The following RLF variants were observed in gnomAD, a reference collection of about 807,000 sequenced individuals.
RLF encodes zinc finger protein Rlf.
RLF carries 7 observed loss-of-function variants against 162.9 expected under a neutral mutation model. The observed-to-expected ratio is 0.04, with a 90% CI of 0.02 to 0.08. The LOEUF (loss-of-function observed/expected upper bound fraction) is 0.08. Ranked by LOEUF, RLF falls within the 10% of genes least tolerant of loss-of-function variation. The probability of loss-of-function intolerance (pLI) is 1.00; values close to 1 mark genes in which losing one functional copy is unlikely to be tolerated. For synonymous variants in RLF, 782 were observed against 791.5 expected, an observed-to-expected ratio of 0.99 and a Z score of 0.20; for missense variants, 1,664 against 2,244.7, an observed-to-expected ratio of 0.74 and a Z score of 5.23.
At chr1:40,215,058 A>G (rs1056609816) in intron 5 of RLF, among the ~76,000 whole-genome samples, 1 of 152,166 alleles carries the variant, frequency 6.6e-6, no homozygotes, top group African/African-American at 2.4e-5. Context: ...AAGTTAATTC[A>G]CTAGAGAAGG....
intron 1 of RLF, among the ~76,000 whole-genome samples, chr1:40,168,443 G>A (rs1470222669): frequency 2.0e-5 from 3 of 151,986 alleles, no homozygotes; most frequent in African/African-American, 4.8e-5. Flanking sequence ...ATGGGGTTTC[G>A]CCATGTTGGC....
intron 5 of RLF, among the ~76,000 whole-genome samples, chr1:40,221,124 A>C (rs917986423): frequency 4.6e-5 from 7 of 152,070 alleles, no homozygotes; most frequent in African/African-American, 1.7e-4. Context: ...ACAGAGTAAG[A>C]CACTGTCTTA....
intron 7 of RLF, among the ~76,000 whole-genome samples, chr1:40,232,139 C>T (rs1415863534): frequency 3.3e-5 from 5 of 150,370 alleles, no homozygotes; most frequent in East Asian, 2.0e-4. Flanking sequence ...ACAGGGAAGG[C>T]GGAGGTTGTG....
Position 40,231,498 on chromosome 1 carries a change from T to C in RLF, c.948-19T>C. 6.2e-7 allele frequency: 1 copy of C among 1,605,236 alleles called. No individual in the cohort carries two copies. The highest frequency in any genetic ancestry group is 1.1e-5 in the South Asian group (1 of 89,234). On this transcript the variant is annotated intron_variant, in intron 6 of 7. Transcript: ENST00000372771. ...ACCAGTTACTTTAAATGTTTTACCA[T>C]GATCTTCTTTTTTTATAGGGAACTG...
intron 3 of RLF, among the ~76,000 whole-genome samples, 184 bp downstream of exon 3, chr1:40,191,037 G>A (rs1013425709): frequency 2.6e-5 from 4 of 152,028 alleles, no homozygotes; most frequent in African/African-American, 9.7e-5. Flanking sequence ...TTTAAATTTG[G>A]TTTTGTTTGC....
chr1:40,212,704 A>G (rs1026521088), intron 5 of RLF, among the ~76,000 whole-genome samples: 1 of 152,206 alleles, frequency 6.6e-6, no homozygotes, highest in Non-Finnish European at 1.5e-5. Context: ...GATAGACACA[A>G]TAGCAGATGG....
At chr1:40,235,342 C>T (rs527785669) in intron 7 of RLF, among the ~76,000 whole-genome samples, 1 of 152,160 alleles carries the variant, frequency 6.6e-6, no homozygotes, top group African/African-American at 2.4e-5. Flanking sequence ...CGTGAGCCAC[C>T]GTGCCCAGCC....
intron 1 of RLF, among the ~76,000 whole-genome samples, chr1:40,178,688 T>G (rs560710800): frequency 4.1e-5 from 5 of 122,608 alleles, no homozygotes; most frequent in East Asian, 4.3e-4. Context: ...TTGTTTTGTG[T>G]TTTTTTTTTT....
intron 6 of RLF, among the ~76,000 whole-genome samples, chr1:40,230,869 C>T (rs1379977718): frequency 6.6e-6 from 1 of 152,110 alleles, no homozygotes; most frequent in African/African-American, 2.4e-5. Context: ...TGCTTTTTTG[C>T]GTGAGTGTTT....
chr1:40,176,662 C>G (rs1361083892), intron 1 of RLF, among the ~76,000 whole-genome samples: 1 of 152,072 alleles, frequency 6.6e-6, no homozygotes. Context: ...AGATTGGTCT[C>G]AAACTTTTGG....
At position 40,237,755 on chromosome 1, in the gene RLF, C is replaced by T. The variant is rs138360639; in HGVS notation, c.3053C>T (p.Thr1018Ile). The change falls in exon 8 of 8, where the codon ACA becomes ATA. Residue 1018 changes from threonine to isoleucine, a missense_variant. By Grantham distance (89) the Thr-to-Ile change is moderately conservative. Transcript: ENST00000372771. The surrounding 1 kb of genome is among the most constrained non-coding windows in gnomAD (Gnocchi z 4.4). ...LDAEPKPCSD[T>I]NSDSPDEGLD... Reference sequence around the variant, plus strand: ...GCAGAACCTAAACCCTGCTCAGATACAAACAGTGACTCCCCAGATGAAGGT... The same window carrying T: ...GCAGAACCTAAACCCTGCTCAGATATAAACAGTGACTCCCCAGATGAAGGT... 3.1e-6 allele frequency: 5 copies of T among 1,613,972 alleles called. No homozygotes were observed. In the East Asian group the frequency reaches 6.7e-5, roughly 22 times the overall value.
chr1:40,229,835 C>T (rs1643130661), intron 6 of RLF, among the ~76,000 whole-genome samples: 1 of 152,054 alleles, frequency 6.6e-6, no homozygotes. Flanking sequence ...TCACCTTATG[C>T]CGGGCACGGT....
At chr1:40,215,226 G>A (rs1292659198) in intron 5 of RLF, among the ~76,000 whole-genome samples, 4 of 152,096 alleles carry the variant, frequency 2.6e-5, no homozygotes. Flanking sequence ...TGAATAATGG[G>A]TAGAACAACT....
intron 3 of RLF, among the ~76,000 whole-genome samples, chr1:40,194,906 T>C (rs1400901854): frequency 6.6e-6 from 1 of 151,884 alleles, no homozygotes; most frequent in Non-Finnish European, 1.5e-5. Context: ...CAATCATGGC[T>C]CACTGCAACC....
chr1:40,199,248 A>G (rs1467475084), intron 4 of RLF, among the ~76,000 whole-genome samples: 3 of 152,214 alleles, frequency 2.0e-5, no homozygotes, highest in Non-Finnish European at 4.4e-5. Flanking sequence ...AACATCCGTA[A>G]TATACAAGCC....
At position 40,225,879 on chromosome 1, in the gene RLF, A is replaced by G. The variant is rs1049018348; in HGVS notation, c.947+3169A>G. Among the ~76,000 whole-genome samples, 3 of 105,030 alleles carry G rather than the reference A, an allele frequency of 2.9e-5. No individual in the cohort carries two copies. In the East Asian group the frequency reaches 8.2e-4, roughly 29 times the overall value. The allele number at this position is 105,030 out of a possible 152,430, so 68.9% of individuals were successfully genotyped here. ...GGGTGACAGAGCGAGACTCCGTCGC[A>G]AAAAAAAAAAAAAAAAAAAAAAAAA... On this transcript the variant is annotated intron_variant, in intron 6 of 7. Transcript: ENST00000372771.
At chr1:40,225,063 T>C (rs2124555730) in intron 6 of RLF, among the ~76,000 whole-genome samples, 1 of 152,266 alleles carries the variant, frequency 6.6e-6, no homozygotes, top group Non-Finnish European at 1.5e-5. Flanking sequence ...TTTGTTATGC[T>C]TGAGGTAGTG....
At chr1:40,205,483 TTC>T (rs1642778312) in intron 5 of RLF, among the ~76,000 whole-genome samples, 1 of 141,786 alleles carries the variant, frequency 7.1e-6, no homozygotes, top group Non-Finnish European at 1.5e-5. Context: ...TTTTCCTTCC[TTC>T]TTTTTTTTTT....
chr1:40,207,546 G>T (rs72670621), intron 5 of RLF, among the ~76,000 whole-genome samples: 29,903 of 152,070 alleles, frequency 0.2, 3,086 homozygotes, highest in African/African-American at 0.22. Context: ...TATTTCAAAT[G>T]GCTAAGACCC....
Sources: allele counts gnomAD v4.1 joint callset (sites outside exome capture counted in the v4.1 genomes callset), GRCh38; gene constraint gnomAD v4.1.1; non-coding constraint Gnocchi (gnomAD v3.1); transcripts MANE v1.5; gene names NCBI Gene and HGNC (gene_info 2026-07-23, HGNC 2026-07-21).